Variants in NCEH1 observed in about 807,000 individuals in gnomAD.
NCEH1 encodes neutral cholesterol ester hydrolase 1.
Under a neutral mutation model 25.4 loss-of-function variants are expected in NCEH1, and 9 were observed. The observed-to-expected ratio is 0.35, with a 90% CI of 0.21 to 0.62. The LOEUF (loss-of-function observed/expected upper bound fraction) is 0.62. Among genes scored for constraint, NCEH1 ranks in the 20% least tolerant of loss-of-function variants. The probability of loss-of-function intolerance (pLI) is 0.72; values close to 1 mark genes in which losing one functional copy is unlikely to be tolerated. For missense variants in NCEH1, 412 were observed against 501.1 expected, an observed-to-expected ratio of 0.82 and a Z score of 1.70; for synonymous variants, 200 against 199.8, an observed-to-expected ratio of 1.00 and a Z score of -0.01.
chr3:172,709,534 G>A (rs1349998618), intron 1 of NCEH1, among the ~76,000 whole-genome samples: 1 of 152,190 alleles, frequency 6.6e-6, no homozygotes, highest in African/African-American at 2.4e-5. Context: ...AAGGGGGGCA[G>A]GGGTCTATAG....
At chr3:172,655,485 C>G (rs1717648855) in intron 1 of NCEH1, among the ~76,000 whole-genome samples, 2 of 152,148 alleles carry the variant, frequency 1.3e-5, no homozygotes, top group African/African-American at 4.8e-5. Context: ...TCCTGCTTCC[C>G]CTTTGATACA....
intron 1 of NCEH1, among the ~76,000 whole-genome samples, chr3:172,691,507 G>T (rs1389744742): frequency 6.6e-6 from 1 of 152,296 alleles, no homozygotes; most frequent in Non-Finnish European, 1.5e-5. Context: ...TTTGTGCCAG[G>T]TACTTTTAGG....
rs1553830302 is a variant in NCEH1, at chr3:172,653,735, G to GTTTTTTT, written c.139-5628_139-5622dup. On this transcript the variant is annotated intron_variant, in intron 1 of 4. Transcript: ENST00000475381. ...TTGTTTTTGTTGTTGTTGTTGTTCT[G>GTTTTTTT]TTTTTTTTGTTTTTTTGTTTTTTTG... Among the ~76,000 whole-genome samples, 64 of 70,998 alleles carry GTTTTTTT rather than the reference G, an allele frequency of 9.0e-4. 1 individual carries two copies. The highest frequency in any genetic ancestry group is 2.4e-3 in the African/African-American group (47 of 19,696). 46.6% of individuals were successfully genotyped at this position (70,998 alleles called of 152,430 possible).
chr3:172,689,394 G>T, intron 1 of NCEH1, among the ~76,000 whole-genome samples: 1 of 151,360 alleles, frequency 6.6e-6, no homozygotes, highest in East Asian at 2.0e-4. Context: ...AAGTAGCTGG[G>T]ACTACAAGCG....
In NCEH1 at chr3:172,642,603, C is replaced by CAAAAAAAAAAAAAAA. The variant is rs66551744; in HGVS notation, c.437+3005_437+3019dup. On this transcript the variant is annotated intron_variant, in intron 3 of 4. Transcript: ENST00000475381. The stretch of plus-strand genomic sequence containing the variant: ...AAGGATTACTATCTTGCTATTTCTA[C>CAAAAAAAAAAAAAAA]AAAAAAAAAAAAAAAAAAAAAGAAA... Among the ~76,000 whole-genome samples, 130 of 83,336 alleles carry CAAAAAAAAAAAAAAA rather than the reference C, an allele frequency of 1.6e-3. 1 individual carries two copies. Among genetic ancestry groups the CAAAAAAAAAAAAAAA allele is most frequent in the Middle Eastern group, 6.9e-3 (1 of 144 alleles). 54.7% of individuals were successfully genotyped at this position (83,336 alleles called of 152,430 possible). A position where few individuals can be genotyped will look rare whatever the true frequency, so the allele number is the denominator to read the frequency against.
intron 1 of NCEH1, among the ~76,000 whole-genome samples, chr3:172,699,504 T>A (rs569572592): frequency 6.6e-6 from 1 of 152,202 alleles, no homozygotes; most frequent in African/African-American, 2.4e-5. Flanking sequence ...AGGCCAAATG[T>A]GTGCAAGTCA....
chr3:172,672,039 A>G (rs1429256325), intron 1 of NCEH1, among the ~76,000 whole-genome samples: 1 of 152,216 alleles, frequency 6.6e-6, no homozygotes, highest in Admixed American at 6.5e-5. Flanking sequence ...ATTCACCCAG[A>G]GCAAATTCTA....
At chr3:172,689,658 C>T (rs1301440555) in intron 1 of NCEH1, among the ~76,000 whole-genome samples, 1 of 122,926 alleles carries the variant, frequency 8.1e-6, no homozygotes, top group Non-Finnish European at 1.7e-5. Context: ...TTGCAATGAG[C>T]TGAGATTGTA....
chr3:172,660,458 T>A (rs1483016625), intron 1 of NCEH1, among the ~76,000 whole-genome samples: 1 of 152,126 alleles, frequency 6.6e-6, no homozygotes, highest in Admixed American at 6.6e-5. Flanking sequence ...GTCTTTATAG[T>A]AGCATGATTT....
rs1716303732 is a variant in NCEH1, at chr3:172,630,663, T to C, written c.*2812A>G. On this transcript the variant is annotated 3_prime_UTR_variant, in exon 5 of 5. Transcript: ENST00000475381. ...GGGAAAATGAAAGCACATTCCCAGA[T>C]GGAGCAATTTTATTTCCAAACATGA... is the stretch of plus-strand genomic sequence containing the variant. The C allele has an allele frequency of 6.6e-6, 1 of 152,364 alleles. No individual in the cohort carries two copies. The highest frequency in any genetic ancestry group is 2.4e-5 in the African/African-American group (1 of 41,590). The allele number at this position is 152,364 out of a possible 1,614,324, so 9.4% of individuals were successfully genotyped here.
At chr3:172,675,971 T>C (rs1380720787) in intron 1 of NCEH1, among the ~76,000 whole-genome samples, 1 of 152,146 alleles carries the variant, frequency 6.6e-6, no homozygotes, top group Non-Finnish European at 1.5e-5. Context: ...CAAATGGTAC[T>C]GCAAGCAGAA....
At chr3:172,708,279 A>C (rs10936730) in intron 1 of NCEH1, among the ~76,000 whole-genome samples, 107,028 of 152,238 alleles carry the variant, frequency 0.7, 38,634 homozygotes, top group East Asian at 0.84. Context: ...CAAACAGCTT[A>C]AATTGCTTTT....
At chr3:172,642,643 CTG>C (rs1207319970) in intron 3 of NCEH1, among the ~76,000 whole-genome samples, 2 of 142,700 alleles carry the variant, frequency 1.4e-5, no homozygotes, top group Non-Finnish European at 3.0e-5. Flanking sequence ...AAAAAAAGTA[CTG>C]TGAGTTCCAA....
Position 172,633,816 on chromosome 3 carries a change from A to C in NCEH1, c.886T>G (p.Phe296Val), listed in dbSNP as rs1417456609. Reference sequence around the variant, plus strand: ...ACAACAGGCTTGTAGTTCTTTGTGAAGGATGCAGGCAAGAGGGATGTCCAG... The same window carrying C: ...ACAACAGGCTTGTAGTTCTTTGTGACGGATGCAGGCAAGAGGGATGTCCAG... ...LNWTSLLPAS[F>V]TKNYKPVVQT... is the part of the protein sequence containing the mutation. The change falls in exon 5 of 5, where the codon TTC becomes GTC. Residue 296 changes from phenylalanine (F) to valine (V), a missense_variant. By Grantham distance (50) the Phe-to-Val change is conservative (BLOSUM62 -1). Coordinates refer to ENST00000475381, the MANE Select transcript of NCEH1 (RefSeq NM_020792.6). 1 of 1,614,222 alleles carries C rather than the reference A, an allele frequency of 6.2e-7. No individual in the cohort carries two copies.
At position 172,675,323 on chromosome 3, in the gene NCEH1, A is replaced by AATTAATTAATTAATT. The variant is rs1553835594; in HGVS notation, c.139-27210_139-27209insAATTAATTAATTAAT. On this transcript the variant is annotated intron_variant, in intron 1 of 4. Transcript: ENST00000475381. ...GTCTCAAATAAATAAATAAATAAATAAATAAATAAATAAATAAATGATTTT... is the reference window on the plus strand; with the variant it reads ...GTCTCAAATAAATAAATAAATAAATAATTAATTAATTAATTAATAAATAAATAAATAAATGATTTT... Among the ~76,000 whole-genome samples, 648 of 144,766 alleles carry AATTAATTAATTAATT rather than the reference A, an allele frequency of 4.5e-3. 5 individuals carry two copies. Among genetic ancestry groups the AATTAATTAATTAATT allele is most frequent in the African/African-American group, 0.015 (531 of 35,684 alleles). 95.0% of individuals were successfully genotyped at this position (144,766 alleles called of 152,430 possible). A position where few individuals can be genotyped will look rare whatever the true frequency, so the allele number is the denominator to read the frequency against.
At chr3:172,634,776 C>T (rs950463018) in intron 4 of NCEH1, among the ~76,000 whole-genome samples, 55 of 152,094 alleles carry the variant, frequency 3.6e-4, no homozygotes, top group Admixed American at 3.3e-3. Flanking sequence ...ATATATTTGT[C>T]GTGTAACATC....
At chr3:172,648,643 A>C (rs1266618377) in intron 1 of NCEH1, among the ~76,000 whole-genome samples, 1 of 152,122 alleles carries the variant, frequency 6.6e-6, no homozygotes, top group Non-Finnish European at 1.5e-5. Flanking sequence ...TTGTATCTTT[A>C]AATGTGTCTT....
intron 1 of NCEH1, among the ~76,000 whole-genome samples, chr3:172,707,413 A>C (rs1486780119): frequency 6.6e-6 from 1 of 152,202 alleles, no homozygotes; most frequent in Non-Finnish European, 1.5e-5. Context: ...AATCTGATAA[A>C]CTAATCCATG....
intron 1 of NCEH1, among the ~76,000 whole-genome samples, chr3:172,693,590 CTT>C (rs1713193654): frequency 6.6e-6 from 1 of 152,148 alleles, no homozygotes; most frequent in South Asian, 2.1e-4. Context: ...TCGAAATATG[CTT>C]TGAGAGAGAC....
Sources: gnomAD v4.1 joint callset for allele counts (sites outside exome capture counted in the v4.1 genomes callset) on GRCh38, gnomAD v4.1.1 for gene constraint, MANE v1.5 for transcripts, NCBI Gene and HGNC (gene_info 2026-07-23, HGNC 2026-07-21) for gene names.